Variants in MEIOB observed in about 807,000 individuals in gnomAD.
The protein encoded by MEIOB is meiosis specific with OB-fold.
In MEIOB, 50 loss-of-function variants were observed where a neutral mutation model predicts 53.1. The observed-to-expected ratio is 0.94, with a 90% CI of 0.75 to 1.19. The LOEUF is 1.19. Among genes scored for constraint, MEIOB ranks in the 50% most tolerant of loss-of-function variants. The pLI is 0.00. For synonymous variants in MEIOB, 192 were observed against 182.5 expected, an observed-to-expected ratio of 1.05 and a Z score of -0.42; for missense variants, 551 against 550.8, an observed-to-expected ratio of 1.00 and a Z score of 0.00.
In MEIOB at chr16:1,837,565, G is replaced by A. The variant is rs926191363; in HGVS notation, c.1305+219C>T. On this transcript the variant is annotated intron_variant, in intron 13 of 13. Coordinates refer to ENST00000325962, the MANE Select transcript of MEIOB (RefSeq NM_001163560.3). ...TTTAACCTTAAAGGATATTTTCTTT[G>A]TTGGTCTATTTTCTTTGATGTCTTT... is the stretch of plus-strand genomic sequence containing the variant. 5 of 342,942 alleles carry A rather than the reference G, an allele frequency of 1.5e-5. No homozygotes were observed. The Admixed American group carries it at 2.2e-4, about 15-fold the overall frequency. 21.2% of individuals were successfully genotyped at this position (342,942 alleles called of 1,614,324 possible).
intron 9 of MEIOB, among the ~76,000 whole-genome samples, chr16:1,846,769 G>T (rs541020002): frequency 6.6e-6 from 1 of 152,278 alleles, no homozygotes; most frequent in South Asian, 2.1e-4. Flanking sequence ...ATGGACACAG[G>T]GAGGGGAACA....
rs1007211818 is a variant in MEIOB at position 1,872,083 on chromosome 16, C to T, written c.-100G>A. ...GCCCGCCCGACCCCCGGGTCGCCCGCGCTTCGCGGCTTCTCCACAGGACGC... is the reference window on the plus strand; with the variant it reads ...GCCCGCCCGACCCCCGGGTCGCCCGTGCTTCGCGGCTTCTCCACAGGACGC... On this transcript the variant is annotated 5_prime_UTR_variant, in exon 1 of 14. Transcript: ENST00000325962. 4.0e-5 allele frequency: 6 copies of T among 151,654 alleles called. No individual in the cohort carries two copies. The highest frequency in any genetic ancestry group is 6.6e-5 in the Admixed American group (1 of 15,242). The allele number at this position is 151,654 out of a possible 1,614,324, so 9.4% of individuals were successfully genotyped here. A position where few individuals can be genotyped will look rare whatever the true frequency, so the allele number is the denominator to read the frequency against.
At chr16:1,849,352 G>A (rs1221555850) in intron 9 of MEIOB, among the ~76,000 whole-genome samples, 4 of 152,038 alleles carry the variant, frequency 2.6e-5, no homozygotes, top group Non-Finnish European at 5.9e-5. Context: ...AGACCATCCT[G>A]GCTAACATGG....
At chr16:1,864,659 T>C (rs8048303) in intron 3 of MEIOB, among the ~76,000 whole-genome samples, 124,855 of 151,302 alleles carry the variant, frequency 0.83, 51,634 homozygotes, top group Middle Eastern at 0.9. Context: ...TGACTAATTT[T>C]GTATTTTTAG....
intron 6 of MEIOB, among the ~76,000 whole-genome samples, chr16:1,855,853 G>A (rs370864463): frequency 4.0e-5 from 6 of 151,772 alleles, no homozygotes; most frequent in African/African-American, 1.5e-4. Context: ...AAAGGGTCAC[G>A]TTCTCTCAGT....
intron 13 of MEIOB, 65 bp downstream of exon 13, chr16:1,837,719 C>A: frequency 1.2e-6 from 1 of 837,430 alleles, no homozygotes; most frequent in South Asian, 2.1e-5. Context: ...CTAGGTTTTT[C>A]TTATGGTTTG....
chr16:1,845,592 G>C (rs1469061456), intron 9 of MEIOB, among the ~76,000 whole-genome samples: 1 of 151,988 alleles, frequency 6.6e-6, no homozygotes, highest in East Asian at 1.9e-4. Flanking sequence ...TCTCTAGACA[G>C]TGGGATTGTA....
intron 13 of MEIOB, among the ~76,000 whole-genome samples, chr16:1,834,714 C>G (rs1052354891): frequency 6.6e-6 from 1 of 152,144 alleles, no homozygotes; most frequent in East Asian, 1.9e-4. Context: ...GGGTGGATCA[C>G]CTGAGGTCAG....
At chr16:1,835,323 G>GT (rs1325450912) in intron 13 of MEIOB, among the ~76,000 whole-genome samples, 3 of 152,020 alleles carry the variant, frequency 2.0e-5, no homozygotes, top group Admixed American at 2.0e-4. Context: ...ACTACCAACT[G>GT]TGATAGACTT....
intron 9 of MEIOB, among the ~76,000 whole-genome samples, chr16:1,848,977 T>C (rs918179961): frequency 1.3e-5 from 2 of 152,134 alleles, no homozygotes; most frequent in African/African-American, 4.8e-5. Context: ...TCCCATCAGA[T>C]AGGCAAAAGG....
chr16:1,855,922 T>A (rs1341558956), intron 6 of MEIOB, among the ~76,000 whole-genome samples: 1 of 108,322 alleles, frequency 9.2e-6, no homozygotes, highest in Non-Finnish European at 1.8e-5. Context: ...TAAGCATGTG[T>A]GTTTTTTCCT....
intron 1 of MEIOB, among the ~76,000 whole-genome samples, chr16:1,868,973 A>G (rs9328922): frequency 0.83 from 125,476 of 152,056 alleles, 51,900 homozygotes; most frequent in Middle Eastern, 0.9. Context: ...TAAACCTATA[A>G]AAAACATGTT....
rs202223532 is a variant in MEIOB, at chr16:1,839,467, T to C, written c.1035-29A>G. On this transcript the variant is annotated intron_variant, in intron 11 of 13. Coordinates refer to ENST00000325962, the MANE Select transcript of MEIOB (RefSeq NM_001163560.3). ...AAAAGAAACAAAGACAATGATAAAA[T>C]GTGATGCCCTAAGCTACAAATTTCA... is the stretch of plus-strand genomic sequence containing the variant. The C allele has an allele frequency of 1.8e-5, 28 of 1,574,852 alleles. No homozygotes were observed. The East Asian group carries it at 5.8e-4, about 33-fold the overall frequency.
rs143693492 is a variant in MEIOB at position 1,862,691 on chromosome 16, C to T, written c.128-575G>A. Reference sequence around the variant, plus strand: ...ATCCTAACACTTTGGGAGCCCGAGGCGGGTGGATCACCTGAGGTTAGTTCA... The same window carrying T: ...ATCCTAACACTTTGGGAGCCCGAGGTGGGTGGATCACCTGAGGTTAGTTCA... On this transcript the variant is annotated intron_variant, in intron 3 of 13. Coordinates refer to ENST00000325962, the MANE Select transcript of MEIOB (RefSeq NM_001163560.3). Among the ~76,000 whole-genome samples, 1,086 of 152,056 alleles carry T rather than the reference C, an allele frequency of 7.1e-3. 9 individuals carry two copies. Among genetic ancestry groups the T allele is most frequent in the African/African-American group, 0.024 (1,012 of 41,494 alleles).
intron 13 of MEIOB, among the ~76,000 whole-genome samples, chr16:1,836,259 TG>T (rs1287295779): frequency 3.3e-5 from 5 of 152,216 alleles, no homozygotes; most frequent in African/African-American, 1.2e-4. Context: ...CGAAGCAGCT[TG>T]TCCATAATTA....
At chr16:1,848,543 CCTTTT>C (rs1489854669) in intron 9 of MEIOB, among the ~76,000 whole-genome samples, 1 of 135,296 alleles carries the variant, frequency 7.4e-6, no homozygotes, top group East Asian at 2.5e-4. Context: ...TTTTTTTTTT[CCTTTT>C]TTTTTTTTTT....
rs1898922821 is a variant in MEIOB, at chr16:1,841,964, A to G, written c.890T>C (p.Ile297Thr). Residue 297 changes from isoleucine (I) to threonine (T), a missense_variant, in exon 11 of 14, where the codon ATA becomes ACA. Ile to Thr is a moderately conservative substitution (Grantham distance 89). Transcript: ENST00000325962. ...YFKESINLST[I>T]VDVYTVEQLK... ...TTGTTCAACTGTGTAGACATCAACTATTGTACTTACTAAAAACAGAAAGAA... is the reference window on the plus strand; with the variant it reads ...TTGTTCAACTGTGTAGACATCAACTGTTGTACTTACTAAAAACAGAAAGAA... 2 of 1,565,732 alleles carry G rather than the reference A, an allele frequency of 1.3e-6. No individual in the cohort carries two copies. Among genetic ancestry groups the G allele is most frequent in the East Asian group, 4.6e-5 (2 of 43,834 alleles).
rs1028062950 is a variant in MEIOB, at chr16:1,865,290, G to C, written c.127+488C>G. Among the ~76,000 whole-genome samples the C allele has an allele frequency of 5.3e-5, 8 of 152,012 alleles. 1 individual carries two copies. Among genetic ancestry groups the C allele is most frequent in the Admixed American group, 5.2e-4 (8 of 15,244 alleles). On this transcript the variant is annotated intron_variant, in intron 3 of 13. Transcript: ENST00000325962. ...CTACTAAAAATACAAAAATTAGCTG[G>C]GCATGATGGCATGTGCCTGTAATTC...
chr16:1,867,401 A>T (rs1899620371), intron 2 of MEIOB, among the ~76,000 whole-genome samples: 1 of 151,888 alleles, frequency 6.6e-6, no homozygotes, highest in African/African-American at 2.4e-5. Flanking sequence ...AATGTCAAGT[A>T]CTTAGACCAT....
Sources: allele counts gnomAD v4.1 joint callset (sites outside exome capture counted in the v4.1 genomes callset), GRCh38; gene constraint gnomAD v4.1.1; transcripts MANE v1.5; gene names NCBI Gene and HGNC (gene_info 2026-07-23, HGNC 2026-07-21).